FJX1: variants seen among roughly 807,000 people sequenced by gnomAD.
FJX1 encodes the protein four-jointed box protein 1.
In FJX1, 21 loss-of-function variants were observed where a neutral mutation model predicts 28.7. That is an observed-to-expected ratio of 0.73 (90% CI 0.52 to 1.05). The LOEUF is 1.05. Ranked by LOEUF, FJX1 falls within the 50% of genes least tolerant of loss-of-function variation. The pLI, the probability that FJX1 is intolerant of heterozygous loss-of-function variation, is 0.00. For missense variants in FJX1, 683 were observed against 647.2 expected (o/e 1.06, Z -0.60); for synonymous variants, 363 against 310.0 (o/e 1.17, Z -1.80).
rs185251380 is a variant in FJX1, at chr11:35,620,715, T to C, written c.*765T>C. 559 of 164,912 alleles carry C rather than the reference T, an allele frequency of 3.4e-3. 2 individuals are homozygous for C. The highest frequency in any genetic ancestry group is 0.012 in the African/African-American group (490 of 39,318). 10.2% of individuals were successfully genotyped at this position (164,912 alleles called of 1,614,324 possible). On this transcript the variant is annotated 3_prime_UTR_variant, in exon 1 of 1. Coordinates refer to ENST00000317811, the MANE Select transcript of FJX1 (RefSeq NM_014344.4). ...CACCAGAAGGAAAAAAAAAAATCAGTTTTATGCACTTTATTTTGTTTTGAT... is the reference window on the plus strand; with the variant it reads ...CACCAGAAGGAAAAAAAAAAATCAGCTTTATGCACTTTATTTTGTTTTGAT...
rs1034149802 is a variant in FJX1 at position 35,618,564 on chromosome 11, G to T, written c.-73G>T. ...CCGGAGCCCACAAACTGCCGGGCCC[G>T]CCTCGCCGCCGGGACCCGGGTGCCT... On this transcript the variant is annotated 5_prime_UTR_variant, in exon 1 of 1. Coordinates refer to ENST00000317811, the MANE Select transcript of FJX1 (RefSeq NM_014344.4). This position sits in a 1 kb window ranked among gnomAD's most constrained non-coding sequence, Gnocchi z 4.2. 1.9e-5 allele frequency: 20 copies of T among 1,079,998 alleles called. No homozygotes were observed. The highest frequency in any genetic ancestry group is 2.2e-5 in the Non-Finnish European group (20 of 892,514). The allele number at this position is 1,079,998 out of a possible 1,614,324, so 66.9% of individuals were successfully genotyped here.
At position 35,618,789 on chromosome 11, in the gene FJX1, C is replaced by G; in HGVS notation, c.153C>G (p.Ala51=). 1 of 1,247,516 alleles carries G rather than the reference C, an allele frequency of 8.0e-7. No individual in the cohort carries two copies. The allele number at this position is 1,247,516 out of a possible 1,614,324, so 77.3% of individuals were successfully genotyped here. A position where few individuals can be genotyped will look rare whatever the true frequency, so the allele number is the denominator to read the frequency against. Reference sequence around the variant, plus strand: ...AAGACCGACTCCCACGGCGCCCGGCCCGGAGCGGCGGCCCCGCGCCCGCGC... The same window carrying G: ...AAGACCGACTCCCACGGCGCCCGGCGCGGAGCGGCGGCCCCGCGCCCGCGC... ...PPEDRLPRRP[A]RSGGPAPAPR... The change falls in exon 1 of 1, where the codon GCC becomes GCG. Residue 51 remains alanine (A), a synonymous_variant. Transcript: ENST00000317811. The surrounding 1 kb of genome is among the most constrained non-coding windows in gnomAD (Gnocchi z 4.2).
Position 35,619,356 on chromosome 11 carries a change from G to A in FJX1, c.720G>A (p.Val240=), listed in dbSNP as rs369246173. ...RAAHWTEGSV[V]SLTRWLPNLT... ...CGCACTGGACCGAGGGCAGCGTGGT[G>A]AGCCTGACACGCTGGCTGCCCAACC... The change falls in exon 1 of 1, where the codon GTG becomes GTA. Residue 240 remains valine (V), a synonymous_variant. Coordinates refer to ENST00000317811, the MANE Select transcript of FJX1 (RefSeq NM_014344.4). This position sits in a 1 kb window ranked among gnomAD's most constrained non-coding sequence, Gnocchi z 7.6. 8.9e-5 allele frequency: 141 copies of A among 1,583,756 alleles called. No individual in the cohort carries two copies. Among genetic ancestry groups the A allele is most frequent in the Non-Finnish European group, 1.0e-4 (123 of 1,173,006 alleles).
Position 35,618,540 on chromosome 11 carries a change from C to T in FJX1, c.-97C>T. 1.9e-6 allele frequency: 2 copies of T among 1,056,622 alleles called. No individual in the cohort carries two copies. Among genetic ancestry groups the T allele is most frequent in the Non-Finnish European group, 2.3e-6 (2 of 875,650 alleles). The allele number at this position is 1,056,622 out of a possible 1,614,324, so 65.5% of individuals were successfully genotyped here. A position where few individuals can be genotyped will look rare whatever the true frequency, so the allele number is the denominator to read the frequency against. On this transcript the variant is annotated 5_prime_UTR_variant, in exon 1 of 1. Coordinates refer to ENST00000317811, the MANE Select transcript of FJX1 (RefSeq NM_014344.4). This position sits in a 1 kb window ranked among gnomAD's most constrained non-coding sequence, Gnocchi z 4.2. ...GATGGGGCCGAAGCGCCCGAAGCCC[C>T]GGAGCCCACAAACTGCCGGGCCCGC...
At position 35,618,842 on chromosome 11, in the gene FJX1, C is replaced by A; in HGVS notation, c.206C>A (p.Ala69Glu). Residue 69 changes from alanine to glutamate, a missense_variant, in exon 1 of 1, where the codon GCG (alanine) becomes GAG (glutamate). Physicochemically the swap from Ala to Glu is moderately radical, Grantham distance 107 (BLOSUM62 -1). Coordinates refer to ENST00000317811, the MANE Select transcript of FJX1 (RefSeq NM_014344.4). The surrounding 1 kb of genome is among the most constrained non-coding windows in gnomAD (Gnocchi z 4.2). ...CGCTTCCCTCTGCCCCCGCCCCTGG[C>A]GTGGGACGCCCGCGGCGGCTCCCTG... Reference protein sequence around the residue: ...APRFPLPPPLAWDARGGSLKT... With the variant: ...APRFPLPPPLEWDARGGSLKT... 1 of 1,341,128 alleles carries A rather than the reference C, an allele frequency of 7.5e-7. No individual in the cohort carries two copies. Among genetic ancestry groups the A allele is most frequent in the Non-Finnish European group, 9.5e-7 (1 of 1,051,152 alleles). The allele number at this position is 1,341,128 out of a possible 1,614,324, so 83.1% of individuals were successfully genotyped here.
At position 35,618,804 on chromosome 11, in the gene FJX1, C is replaced by A. The variant is rs1850855489; in HGVS notation, c.168C>A (p.Pro56=). The change falls in exon 1 of 1, where the codon CCC becomes CCA. Residue 56 remains proline (P), a synonymous_variant. Coordinates refer to ENST00000317811, the MANE Select transcript of FJX1 (RefSeq NM_014344.4). This position sits in a 1 kb window ranked among gnomAD's most constrained non-coding sequence, Gnocchi z 4.2. ...LPRRPARSGG[P]APAPRFPLPP... is the part of the protein sequence containing the mutation. ...GGCGCCCGGCCCGGAGCGGCGGCCC[C>A]GCGCCCGCGCCTCGCTTCCCTCTGC... The A allele has an allele frequency of 3.2e-6, 4 of 1,256,364 alleles. No homozygotes were observed. The highest frequency in any genetic ancestry group is 4.0e-6 in the Non-Finnish European group (4 of 1,004,428). The allele number at this position is 1,256,364 out of a possible 1,614,324, so 77.8% of individuals were successfully genotyped here.
chr11:35,618,976 G>A lies in FJX1; in HGVS notation c.340G>A (p.Glu114Lys), dbSNP rs1850859498. 1 of 1,476,306 alleles carries A rather than the reference G, an allele frequency of 6.8e-7. No individual in the cohort carries two copies. Among genetic ancestry groups the A allele is most frequent in the East Asian group, 2.9e-5 (1 of 34,392 alleles). 91.5% of individuals were successfully genotyped at this position (1,476,306 alleles called of 1,614,324 possible). The change falls in exon 1 of 1, where the codon GAG becomes AAG. Residue 114 changes from glutamate to lysine, a missense_variant. Glu to Lys is a moderately conservative substitution (Grantham distance 56). Coordinates refer to ENST00000317811, the MANE Select transcript of FJX1 (RefSeq NM_014344.4). This position sits in a 1 kb window ranked among gnomAD's most constrained non-coding sequence, Gnocchi z 4.2. ...GTCAGCCAGGCAGCCCCGGCCGGAG[G>A]AGAGCGCCGCGGTGCACGGGGGCGT... The part of the protein sequence containing the change: ...HVSARQPRPE[E>K]SAAVHGGVFW...
At position 35,619,214 on chromosome 11, in the gene FJX1, T is replaced by A. The variant is rs761099399; in HGVS notation, c.578T>A (p.Leu193Gln). Residue 193 changes from leucine to glutamine, a missense_variant, in exon 1 of 1, where the codon CTG becomes CAG. Leu to Gln is a moderately radical substitution (Grantham distance 113). Transcript: ENST00000317811. The surrounding 1 kb of genome is among the most constrained non-coding windows in gnomAD (Gnocchi z 7.6). ...CCGGAGCAGATTCAGGGCGAGGCCC[T>A]GTCTTACTATCTGGCGCGCCTGCTG... ...INPEQIQGEA[L>Q]SYYLARLLGL... 6.3e-7 allele frequency: 1 copy of A among 1,587,598 alleles called. No individual in the cohort carries two copies. Among genetic ancestry groups the A allele is most frequent in the East Asian group, 2.3e-5 (1 of 43,316 alleles).
Position 35,620,076 on chromosome 11 carries a change from C to A in FJX1, c.*126C>A. On this transcript the variant is annotated 3_prime_UTR_variant, in exon 1 of 1. Transcript: ENST00000317811. ...CACCCGCAAAGGTGTCTAAAAACTT[C>A]AGCTTTTCACCCACCTGCCCCTTTC... The A allele has an allele frequency of 1.4e-6, 2 of 1,397,068 alleles. No individual in the cohort carries two copies. Among genetic ancestry groups the A allele is most frequent in the Non-Finnish European group, 1.9e-6 (2 of 1,033,198 alleles). The allele number at this position is 1,397,068 out of a possible 1,614,324, so 86.5% of individuals were successfully genotyped here.
chr11:35,618,610 G>T lies in FJX1; in HGVS notation c.-27G>T. 8.9e-7 allele frequency: 1 copy of T among 1,129,820 alleles called. No individual in the cohort carries two copies. The allele number at this position is 1,129,820 out of a possible 1,614,324, so 70.0% of individuals were successfully genotyped here. A position where few individuals can be genotyped will look rare whatever the true frequency, so the allele number is the denominator to read the frequency against. Reference sequence around the variant, plus strand: ...TGCCTGGGCTCGGCTTGAAGCGGCGGCGGCGCACCGGCACAGCCGCGGGAG... The same window carrying T: ...TGCCTGGGCTCGGCTTGAAGCGGCGTCGGCGCACCGGCACAGCCGCGGGAG... On this transcript the variant is annotated 5_prime_UTR_variant, in exon 1 of 1. Coordinates refer to ENST00000317811, the MANE Select transcript of FJX1 (RefSeq NM_014344.4). The surrounding 1 kb of genome is among the most constrained non-coding windows in gnomAD (Gnocchi z 4.2).
In FJX1 at chr11:35,620,681, G is replaced by C. The variant is rs112527179; in HGVS notation, c.*731G>C. 1 of 162,220 alleles carries C rather than the reference G, an allele frequency of 6.2e-6. No individual in the cohort carries two copies. The highest frequency in any genetic ancestry group is 1.5e-5 in the Non-Finnish European group (1 of 67,406). The allele number at this position is 162,220 out of a possible 1,614,324, so 10.0% of individuals were successfully genotyped here. Reference sequence around the variant, plus strand: ...CGCAACCGACCAAAATTTTGACAACGATGATGTTCACCAGAAGGAAAAAAA... The same window carrying C: ...CGCAACCGACCAAAATTTTGACAACCATGATGTTCACCAGAAGGAAAAAAA... On this transcript the variant is annotated 3_prime_UTR_variant, in exon 1 of 1. Transcript: ENST00000317811.
Position 35,618,532 on chromosome 11 carries a change from C to A in FJX1, c.-105C>A, listed in dbSNP as rs1041686688. The A allele has an allele frequency of 1.9e-6, 2 of 1,039,914 alleles. No individual in the cohort carries two copies. The highest frequency in any genetic ancestry group is 1.2e-6 in the Non-Finnish European group (1 of 861,680). 64.4% of individuals were successfully genotyped at this position (1,039,914 alleles called of 1,614,324 possible). On this transcript the variant is annotated 5_prime_UTR_variant, in exon 1 of 1. Coordinates refer to ENST00000317811, the MANE Select transcript of FJX1 (RefSeq NM_014344.4). This position sits in a 1 kb window ranked among gnomAD's most constrained non-coding sequence, Gnocchi z 4.2. ...GCGGCCGCGATGGGGCCGAAGCGCC[C>A]GAAGCCCCGGAGCCCACAAACTGCC...
Position 35,619,836 on chromosome 11 carries a change from C to A in FJX1, c.1200C>A (p.Pro400=). Residue 400 remains proline, a synonymous_variant, in exon 1 of 1, where the codon CCC becomes CCA. Coordinates refer to ENST00000317811, the MANE Select transcript of FJX1 (RefSeq NM_014344.4). This position sits in a 1 kb window ranked among gnomAD's most constrained non-coding sequence, Gnocchi z 7.6. ...ACCGGCGCCACGAGCCTCGCTTCCC[C>A]GAGCTGGCCGCCCTTGCAGACCCCC... ...RLYRRHEPRF[P]ELAALADPHA... is the part of the protein sequence containing the mutation. 6.4e-7 allele frequency: 1 copy of A among 1,552,770 alleles called. No individual in the cohort carries two copies. Among genetic ancestry groups the A allele is most frequent in the Non-Finnish European group, 8.7e-7 (1 of 1,148,502 alleles).
chr11:35,618,527 G>T lies in FJX1; in HGVS notation c.-110G>T, dbSNP rs1850848692. ...GCCCCGCGGCCGCGATGGGGCCGAA[G>T]CGCCCGAAGCCCCGGAGCCCACAAA... On this transcript the variant is annotated 5_prime_UTR_variant, in exon 1 of 1. Coordinates refer to ENST00000317811, the MANE Select transcript of FJX1 (RefSeq NM_014344.4). The surrounding 1 kb of genome is among the most constrained non-coding windows in gnomAD (Gnocchi z 4.2). 1 of 1,020,798 alleles carries T rather than the reference G, an allele frequency of 9.8e-7. No individual in the cohort carries two copies. Among genetic ancestry groups the T allele is most frequent in the Non-Finnish European group, 1.2e-6 (1 of 844,804 alleles). 63.2% of individuals were successfully genotyped at this position (1,020,798 alleles called of 1,614,324 possible).
At position 35,620,370 on chromosome 11, in the gene FJX1, A is replaced by G; in HGVS notation, c.*420A>G. ...TGAGCTAATTCTGCAATTTTCTACC[A>G]AACAGAGCGCTGGTGGCCCCGGAGC... On this transcript the variant is annotated 3_prime_UTR_variant, in exon 1 of 1. Transcript: ENST00000317811. The G allele has an allele frequency of 7.1e-6, 2 of 280,850 alleles. No homozygotes were observed. The highest frequency in any genetic ancestry group is 8.1e-5 in the South Asian group (2 of 24,556). The allele number at this position is 280,850 out of a possible 1,614,324, so 17.4% of individuals were successfully genotyped here.
rs1305985534 is a variant in FJX1, at chr11:35,619,211, C to T, written c.575C>T (p.Ala192Val). ...AACCCGGAGCAGATTCAGGGCGAGG[C>T]CCTGTCTTACTATCTGGCGCGCCTG... ...GINPEQIQGEALSYYLARLLG... is the reference protein window; with the variant it reads ...GINPEQIQGEVLSYYLARLLG... Residue 192 changes from alanine to valine, a missense_variant, in exon 1 of 1, where the codon GCC becomes GTC. Physicochemically the swap from Ala to Val is moderately conservative, Grantham distance 64. Coordinates refer to ENST00000317811, the MANE Select transcript of FJX1 (RefSeq NM_014344.4). The surrounding 1 kb of genome is among the most constrained non-coding windows in gnomAD (Gnocchi z 7.6). 1.3e-5 allele frequency: 21 copies of T among 1,588,384 alleles called. No individual in the cohort carries two copies. The highest frequency in any genetic ancestry group is 1.6e-5 in the Non-Finnish European group (19 of 1,175,848).
Position 35,619,626 on chromosome 11 carries a change from G to A in FJX1, c.990G>A (p.Pro330=), listed in dbSNP as rs536959359. The A allele has an allele frequency of 6.2e-7, 1 of 1,610,358 alleles. No homozygotes were observed. ...QRATSNLHRG[P]GGALVFLDNE... is the part of the protein sequence containing the mutation. ...CCACCAGCAACCTGCACCGCGGTCC[G>A]GGCGGGGCGCTGGTCTTTCTGGACA... Residue 330 remains proline, a synonymous_variant, in exon 1 of 1, where the codon CCG becomes CCA. Transcript: ENST00000317811. This position sits in a 1 kb window ranked among gnomAD's most constrained non-coding sequence, Gnocchi z 7.6.
Position 35,619,432 on chromosome 11 carries a change from C to T in FJX1, c.796C>T (p.Arg266Cys). 6.3e-7 allele frequency: 1 copy of T among 1,598,142 alleles called. No individual in the cohort carries two copies. Among genetic ancestry groups the T allele is most frequent in the Non-Finnish European group, 8.5e-7 (1 of 1,179,432 alleles). Reference sequence around the variant, plus strand: ...CTGGCGCTCGGAGGACGGCCGTCTGCGCCCCCTCCGGGATGCCGGGGGTGA... The same window carrying T: ...CTGGCGCTCGGAGGACGGCCGTCTGTGCCCCCTCCGGGATGCCGGGGGTGA... ...APWRSEDGRL[R>C]PLRDAGGELA... The change falls in exon 1 of 1, where the codon CGC becomes TGC. Residue 266 changes from arginine to cysteine, a missense_variant. Transcript: ENST00000317811. This position sits in a 1 kb window ranked among gnomAD's most constrained non-coding sequence, Gnocchi z 7.6.
Position 35,619,471 on chromosome 11 carries a change from A to G in FJX1, c.835A>G (p.Ser279Gly). The change falls in exon 1 of 1, where the codon AGC becomes GGC. Residue 279 changes from serine (S) to glycine (G), a missense_variant. By Grantham distance (56) the Ser-to-Gly change is moderately conservative. Coordinates refer to ENST00000317811, the MANE Select transcript of FJX1 (RefSeq NM_014344.4). This position sits in a 1 kb window ranked among gnomAD's most constrained non-coding sequence, Gnocchi z 7.6. ...TGCCGGGGGTGAGCTGGCCAACCTC[A>G]GCCAGGCGGAGCTGGTGGACCTAGT... ...RDAGGELANL[S>G]QAELVDLVQW... 6.3e-7 allele frequency: 1 copy of G among 1,599,146 alleles called. No individual in the cohort carries two copies. The highest frequency in any genetic ancestry group is 8.5e-7 in the Non-Finnish European group (1 of 1,179,692).
Sources: allele counts gnomAD v4.1 joint callset, GRCh38; gene constraint gnomAD v4.1.1; non-coding constraint Gnocchi (gnomAD v3.1); transcripts MANE v1.5; gene names NCBI Gene and HGNC (gene_info 2026-07-23, HGNC 2026-07-21).